The following GTF2A1 variants were observed in gnomAD, a reference collection of about 807,000 sequenced individuals.
GTF2A1 encodes the protein general transcription factor IIA subunit 1, also known as transcription initiation factor IIA subunit 1.
GTF2A1 carries 12 observed loss-of-function variants against 54.1 expected under a neutral mutation model. The observed-to-expected ratio is 0.22, with a 90% CI of 0.14 to 0.36. The LOEUF (loss-of-function observed/expected upper bound fraction) is 0.36. Among genes scored for constraint, GTF2A1 ranks in the 10% least tolerant of loss-of-function variants. The probability of loss-of-function intolerance (pLI) is 1.00; values close to 1 mark genes in which losing one functional copy is unlikely to be tolerated. For synonymous variants in GTF2A1, 145 were observed against 152.0 expected, an observed-to-expected ratio of 0.95 and a Z score of 0.34; for missense variants, 335 against 442.2, an observed-to-expected ratio of 0.76 and a Z score of 2.17.
chr14:81,213,007 A>G (rs545929954), intron 2 of GTF2A1, among the ~76,000 whole-genome samples: 1 of 152,340 alleles, frequency 6.6e-6, no homozygotes, highest in African/African-American at 2.4e-5. Context: ...TAACAAACTC[A>G]TTTTAGTCTA....
At chr14:81,213,847 T>G (rs557845935) in intron 2 of GTF2A1, among the ~76,000 whole-genome samples, 20 of 128,136 alleles carry the variant, frequency 1.6e-4, no homozygotes, top group South Asian at 2.2e-4. Context: ...GGTTTTTCTG[T>G]TTTTTTTTTT....
rs1892560751 is a variant in GTF2A1, at chr14:81,177,888, A to T, written c.*2335T>A. The T allele has an allele frequency of 1.3e-5, 2 of 152,288 alleles. No individual in the cohort carries two copies. The highest frequency in any genetic ancestry group is 2.9e-5 in the Non-Finnish European group (2 of 67,982). 9.4% of individuals were successfully genotyped at this position (152,288 alleles called of 1,614,324 possible). On this transcript the variant is annotated 3_prime_UTR_variant, in exon 9 of 9. Coordinates refer to ENST00000553612, the MANE Select transcript of GTF2A1 (RefSeq NM_015859.4). ...AAGGACACGATGCAAATAATATATAAGAGCACAATTTGGTATGCAATGTAG... is the reference window on the plus strand; with the variant it reads ...AAGGACACGATGCAAATAATATATATGAGCACAATTTGGTATGCAATGTAG...
chr14:81,199,600 T>C (rs1409181456), intron 4 of GTF2A1, among the ~76,000 whole-genome samples: 2 of 152,186 alleles, frequency 1.3e-5, no homozygotes, highest in Non-Finnish European at 2.9e-5. Context: ...CCTATACTGA[T>C]TATGTTCAGA....
intron 1 of GTF2A1, among the ~76,000 whole-genome samples, chr14:81,218,643 G>A (rs1222470127): frequency 2.6e-5 from 4 of 151,914 alleles, no homozygotes; most frequent in Non-Finnish European, 5.9e-5. Flanking sequence ...CTTAAGAACT[G>A]GTAAATCAGA....
intron 2 of GTF2A1, among the ~76,000 whole-genome samples, chr14:81,205,832 T>C (rs1010132794): frequency 6.6e-6 from 1 of 152,228 alleles, no homozygotes; most frequent in Non-Finnish European, 1.5e-5. Flanking sequence ...TTGTGTCTGA[T>C]TCATCTCTGT....
chr14:81,190,101 T>A (rs1410845325), intron 7 of GTF2A1, among the ~76,000 whole-genome samples: 1 of 152,028 alleles, frequency 6.6e-6, no homozygotes, highest in Non-Finnish European at 1.5e-5. Flanking sequence ...TTCATGTTAA[T>A]CAACTTGAAA....
chr14:81,198,952 C>G (rs1331478326), intron 4 of GTF2A1, among the ~76,000 whole-genome samples: 1 of 152,040 alleles, frequency 6.6e-6, no homozygotes, highest in Admixed American at 6.6e-5. Context: ...CCTGAAATTC[C>G]CACTGTGTCT....
intron 8 of GTF2A1, among the ~76,000 whole-genome samples, chr14:81,183,642 T>G (rs1194941125): frequency 6.6e-6 from 1 of 152,168 alleles, no homozygotes; most frequent in Admixed American, 6.5e-5. Context: ...CCTCTTAAAT[T>G]TCCTAATTAA....
intron 8 of GTF2A1, 33 bp downstream of exon 8, chr14:81,185,498 A>G (rs993752390): frequency 1.7e-6 from 2 of 1,145,914 alleles, no homozygotes; most frequent in Non-Finnish European, 2.6e-6. Context: ...TACAACACAA[A>G]TAACGTCAGT....
At chr14:81,183,156 T>C (rs954109699) in intron 8 of GTF2A1, among the ~76,000 whole-genome samples, 3 of 152,212 alleles carry the variant, frequency 2.0e-5, no homozygotes, top group Non-Finnish European at 2.9e-5. Flanking sequence ...CTGTTCTGTT[T>C]TGATCATTAG....
At chr14:81,197,339 C>A (rs1167977316) in intron 5 of GTF2A1, 70 bp downstream of exon 5, 1 of 761,954 alleles carries the variant, frequency 1.3e-6, no homozygotes, top group East Asian at 2.8e-5. Context: ...TCAAAGAAGA[C>A]AAAACCTAAG....
rs1176739299 is a variant in GTF2A1 at position 81,213,842 on chromosome 14, TTC to T, written c.132+2569_132+2570del. 2.0e-5 allele frequency among the ~76,000 whole-genome samples: 3 copies of T among 150,906 alleles called. No homozygotes were observed. The East Asian group carries it at 5.8e-4, about 29-fold the overall frequency. On this transcript the variant is annotated intron_variant, in intron 2 of 8. Transcript: ENST00000553612. ...TCACACAGGAAATATTTTTGGGTTTTTCTGTTTTTTTTTTTTTTGAGACAGAG... is the reference window on the plus strand; with the variant it reads ...TCACACAGGAAATATTTTTGGGTTTTTGTTTTTTTTTTTTTTGAGACAGAG...
chr14:81,180,060 T>C lies in GTF2A1; in HGVS notation c.*163A>G, dbSNP rs1892607705. 1 of 245,804 alleles carries C rather than the reference T, an allele frequency of 4.1e-6. No individual in the cohort carries two copies. Among genetic ancestry groups the C allele is most frequent in the South Asian group, 6.9e-5 (1 of 14,596 alleles). 15.2% of individuals were successfully genotyped at this position (245,804 alleles called of 1,614,324 possible). Reference sequence around the variant, plus strand: ...TTCCATGGCTTGCCAGTAAGTAGTGTCTATGTTGTCAAGGTCTATCTTTGT... The same window carrying C: ...TTCCATGGCTTGCCAGTAAGTAGTGCCTATGTTGTCAAGGTCTATCTTTGT... On this transcript the variant is annotated 3_prime_UTR_variant, in exon 9 of 9. Transcript: ENST00000553612.
intron 2 of GTF2A1, among the ~76,000 whole-genome samples, chr14:81,215,828 G>C (rs1595232514): frequency 6.6e-6 from 1 of 152,068 alleles, no homozygotes; most frequent in East Asian, 1.9e-4. Context: ...TTGCAGCCAG[G>C]AGTTCGAAAG....
At chr14:81,198,016 A>T (rs2140158533) in intron 4 of GTF2A1, among the ~76,000 whole-genome samples, 1 of 152,340 alleles carries the variant, frequency 6.6e-6, no homozygotes, top group Admixed American at 6.5e-5. Context: ...ACACTGTATC[A>T]GAAGACTTCA....
Position 81,220,480 on chromosome 14 carries a change from C to A in GTF2A1, c.30+9G>T. On this transcript the variant is annotated intron_variant, in intron 1 of 8. Coordinates refer to ENST00000553612, the MANE Select transcript of GTF2A1 (RefSeq NM_015859.4). ...GAAGCCCCCGCCGGCCACCGAACCA[C>A]GTCCTTACCACGGTGTTTGTATTTG... is the stretch of plus-strand genomic sequence containing the variant. The A allele has an allele frequency of 6.4e-7, 1 of 1,567,830 alleles. No homozygotes were observed. The highest frequency in any genetic ancestry group is 1.2e-5 in the South Asian group (1 of 85,964).
intron 2 of GTF2A1, among the ~76,000 whole-genome samples, chr14:81,205,320 T>C (rs1893205516): frequency 6.6e-6 from 1 of 152,122 alleles, no homozygotes; most frequent in African/African-American, 2.4e-5. Flanking sequence ...ACATTCTAGA[T>C]TTGTTGTCAT....
Position 81,197,402 on chromosome 14 carries a change from TA to T in GTF2A1, c.478+6del. On this transcript the variant is annotated splice_donor_region_variant and intron_variant, in intron 5 of 8. Transcript: ENST00000553612. ...CATTTTAAAATGGTTCCATCATTCC[TA>T]ATTACCTGAATTTGTTAATATCTGC... The T allele has an allele frequency of 6.9e-7, 1 of 1,450,694 alleles. No individual in the cohort carries two copies. The highest frequency in any genetic ancestry group is 1.4e-5 in the African/African-American group (1 of 72,122). The allele number at this position is 1,450,694 out of a possible 1,614,324, so 89.9% of individuals were successfully genotyped here. A position where few individuals can be genotyped will look rare whatever the true frequency, so the allele number is the denominator to read the frequency against.
At chr14:81,181,056 A>G (rs765162676) in intron 8 of GTF2A1, among the ~76,000 whole-genome samples, 23 of 152,220 alleles carry the variant, frequency 1.5e-4, no homozygotes, top group Admixed American at 3.3e-4. Flanking sequence ...AAGGATGCTA[A>G]TCATCCAGTC....
Sources: gnomAD v4.1 joint callset for allele counts (sites outside exome capture counted in the v4.1 genomes callset) on GRCh38, gnomAD v4.1.1 for gene constraint, MANE v1.5 for transcripts, NCBI Gene and HGNC (gene_info 2026-07-23, HGNC 2026-07-21) for gene names.